SPTBN5: variants seen among roughly 807,000 people sequenced by gnomAD.
The protein encoded by SPTBN5 is spectrin beta, non-erythrocytic 5, also known as spectrin beta chain, non-erythrocytic 5.
A neutral mutation model predicts 477.6 loss-of-function variants in SPTBN5; 513 were observed. The observed-to-expected ratio is 1.07, with a 90% CI of 1.00 to 1.16. SPTBN5 has a LOEUF of 1.16. Among genes scored for constraint, SPTBN5 ranks in the 50% most tolerant of loss-of-function variants. SPTBN5 has a pLI of 0.00. For missense variants in SPTBN5, 5,062 were observed against 4,731.8 expected (o/e 1.07, Z -2.05); for synonymous variants, 2,169 against 2,011.7 (o/e 1.08, Z -2.09).
Position 41,865,799 on chromosome 15 carries a change from C to A in SPTBN5, c.6918+9G>T. 1 of 1,553,536 alleles carries A rather than the reference C, an allele frequency of 6.4e-7. No individual in the cohort carries two copies. The highest frequency in any genetic ancestry group is 1.2e-5 in the South Asian group (1 of 84,124). On this transcript the variant is annotated intron_variant, in intron 39 of 67. Transcript: ENST00000320955. Reference sequence around the variant, plus strand: ...CATGGCCAACCTCTACCCAGCAAGGCCCTCTTACCCCGGCCGAGTTTCCTC... The same window carrying A: ...CATGGCCAACCTCTACCCAGCAAGGACCTCTTACCCCGGCCGAGTTTCCTC...
intron 66 of SPTBN5, chr15:41,850,368 C>T (rs78481031): frequency 0.061 from 14,515 of 239,618 alleles, 517 homozygotes; most frequent in South Asian, 0.088. Flanking sequence ...ACGCTGACCA[C>T]GGAAGAAAGT....
chr15:41,875,647 G>A, intron 21 of SPTBN5, 25 bp from the exon 22 acceptor site: 1 of 1,551,492 alleles, frequency 6.4e-7, no homozygotes, highest in Non-Finnish European at 8.7e-7. Flanking sequence ...AAGGCCCAGG[G>A]AGTTTGGCTG....
chr15:41,870,551 C>T lies in SPTBN5; in HGVS notation c.5457G>A (p.Trp1819Ter), dbSNP rs1318054524. The T allele has an allele frequency of 3.7e-6, 6 of 1,607,824 alleles. No homozygotes were observed. The highest frequency in any genetic ancestry group is 1.3e-5 in the African/African-American group (1 of 74,910). The stretch of plus-strand genomic sequence containing the variant: ...CCTGGGTCAGCTCCCACAGCTCCGA[C>T]CAGGCGGTCCTGCCCACGGCGTGTG... ...RQRQQDLQTA[W>*]SELWELTQAR... is the part of the protein sequence containing the mutation. Residue 1819 changes from tryptophan to a stop codon, truncating the protein, a stop_gained, in exon 30 of 68, where the codon TGG becomes TGA. Transcript: ENST00000320955. LOFTEE classifies it high-confidence loss of function.
intron 27 of SPTBN5, 128 bp from the exon 28 acceptor site, chr15:41,872,045 G>C: frequency 8.0e-7 from 1 of 1,249,460 alleles, no homozygotes; most frequent in South Asian, 1.6e-5. Flanking sequence ...TGCGGCTCAC[G>C]ATTCAGGGAG....
At chr15:41,872,533 C>A in intron 26 of SPTBN5, 74 bp from the exon 27 acceptor site, 1 of 1,465,152 alleles carries the variant, frequency 6.8e-7, no homozygotes, top group Non-Finnish European at 9.2e-7. Flanking sequence ...CCCCACCCAT[C>A]CAGTCACCAA....
At chr15:41,891,063 T>C (rs1367200509) in intron 3 of SPTBN5, among the ~76,000 whole-genome samples, 1 of 152,232 alleles carries the variant, frequency 6.6e-6, no homozygotes, top group African/African-American at 2.4e-5. Context: ...AACTCTTCAC[T>C]CAGATGTTGC....
In SPTBN5 at chr15:41,861,770, G is replaced by A; in HGVS notation, c.7702C>T (p.His2568Tyr). ...AGGGCCTGCTGCAGCTGTAGCTGAT[G>A]CTCCTGCCAGGCCCCTTCCAGGCTG... ...LSSLEGAWQE[H>Y]QLQLQQALEL... The change falls in exon 45 of 68, where the codon CAT becomes TAT. Residue 2568 changes from histidine to tyrosine, a missense_variant. By Grantham distance (83) the His-to-Tyr change is moderately conservative. Transcript: ENST00000320955. 1 of 1,554,800 alleles carries A rather than the reference G, an allele frequency of 6.4e-7. No individual in the cohort carries two copies. The highest frequency in any genetic ancestry group is 8.7e-7 in the Non-Finnish European group (1 of 1,153,978).
rs781186187 is a variant in SPTBN5 at position 41,866,133 on chromosome 15, C to G, written c.6727G>C (p.Ala2243Pro). The G allele has an allele frequency of 3.8e-6, 6 of 1,559,494 alleles. No individual in the cohort carries two copies. The African/African-American group carries it at 8.2e-5, about 21-fold the overall frequency. The change falls in exon 38 of 68, where the codon GCA becomes CCA. Residue 2243 changes from alanine to proline, a missense_variant. By Grantham distance (27) the Ala-to-Pro change is conservative. Coordinates refer to ENST00000320955, the MANE Select transcript of SPTBN5 (RefSeq NM_016642.4). ...AGCTCCTGGCCCCTGAGGGCCATTG[C>G]CTGCCTCAGGTCCTCCCAGTGCTTC... The part of the protein sequence containing the change: ...LRKHWEDLRQ[A>P]MALRGQELED...
In SPTBN5 at chr15:41,856,936, C is replaced by T; in HGVS notation, c.8725G>A (p.Val2909Met). ...GCGGCCAGAGGCAGCTTCTCCTGCACCCAGGCCATTTCCTCGTCGGCGTCC... is the reference window on the plus strand; with the variant it reads ...GCGGCCAGAGGCAGCTTCTCCTGCATCCAGGCCATTTCCTCGTCGGCGTCC... ...FRDADEEMAW[V>M]QEKLPLAAAQ... The change falls in exon 52 of 68, where the codon GTG (valine) becomes ATG (methionine). Residue 2909 changes from valine (V) to methionine (M), a missense_variant. Coordinates refer to ENST00000320955, the MANE Select transcript of SPTBN5 (RefSeq NM_016642.4). The T allele has an allele frequency of 6.4e-7, 1 of 1,574,128 alleles. No individual in the cohort carries two copies. The highest frequency in any genetic ancestry group is 8.6e-7 in the Non-Finnish European group (1 of 1,160,464).
chr15:41,878,763 G>T (rs2066837413), intron 16 of SPTBN5, 134 bp from the exon 17 acceptor site: 1 of 1,043,854 alleles, frequency 9.6e-7, no homozygotes, highest in Middle Eastern at 3.1e-4. Context: ...CCCTTGACCT[G>T]GGGGCAGCAA....
chr15:41,880,599 G>A (rs1035367721), intron 13 of SPTBN5, among the ~76,000 whole-genome samples: 1 of 152,116 alleles, frequency 6.6e-6, no homozygotes, highest in Non-Finnish European at 1.5e-5. Context: ...CTGCTCTAAG[G>A]TGAAATCCAC....
rs1190343758 is a variant in SPTBN5 at position 41,858,753 on chromosome 15, G to A, written c.8080-5C>T. ...CTCCCTCAGCCACGCAGCCACCTGG[G>A]CACATGGGGAGGACAGGCCTGCTGT... On this transcript the variant is annotated splice_polypyrimidine_tract_variant and splice_region_variant and intron_variant, in intron 48 of 67. Transcript: ENST00000320955. 6.2e-7 allele frequency: 1 copy of A among 1,608,558 alleles called. No homozygotes were observed. Among genetic ancestry groups the A allele is most frequent in the Non-Finnish European group, 8.5e-7 (1 of 1,178,136 alleles).
intron 33 of SPTBN5, 23 bp from the exon 34 acceptor site, chr15:41,868,241 C>A (rs1437335692): frequency 3.2e-6 from 5 of 1,578,748 alleles, no homozygotes; most frequent in South Asian, 1.2e-5. Flanking sequence ...ACATGAGGAG[C>A]CTCAGCTGGG....
At position 41,868,749 on chromosome 15, in the gene SPTBN5, C is replaced by T; in HGVS notation, c.5854-148G>A. ...GGCCTCGGGTGAGGCACATGTGGCC[C>T]TTTGTCACTTGGTTTCTCCGTTCTC... is the stretch of plus-strand genomic sequence containing the variant. On this transcript the variant is annotated intron_variant, in intron 32 of 67. Coordinates refer to ENST00000320955, the MANE Select transcript of SPTBN5 (RefSeq NM_016642.4). 4 of 693,554 alleles carry T rather than the reference C, an allele frequency of 5.8e-6. No individual in the cohort carries two copies. In the South Asian group the frequency reaches 7.2e-5, roughly 12 times the overall value. 43.0% of individuals were successfully genotyped at this position (693,554 alleles called of 1,614,324 possible).
In SPTBN5 at chr15:41,858,940, G is replaced by C; in HGVS notation, c.8029C>G (p.Arg2677Gly). ...TGCAGCTGCCGGAGCTCCTCCAGGC[G>C]ATGGCGGCGGGTCCCGGCTTGCCTG... ...LFRQAGTRRH[R>G]LEELRQLQAF... The change falls in exon 48 of 68, where the codon CGC becomes GGC. Residue 2677 changes from arginine (R) to glycine (G), a missense_variant. Arg to Gly is a moderately radical substitution (Grantham distance 125). Coordinates refer to ENST00000320955, the MANE Select transcript of SPTBN5 (RefSeq NM_016642.4). The C allele has an allele frequency of 6.3e-7, 1 of 1,594,082 alleles. No homozygotes were observed. Among genetic ancestry groups the C allele is most frequent in the Non-Finnish European group, 8.6e-7 (1 of 1,168,622 alleles).
In SPTBN5 at chr15:41,882,477, G is replaced by C. The variant is rs1036088803; in HGVS notation, c.2047-8C>G. ...GACCTCAGCTTCCAGGGCCTAGCGG[G>C]GGGCAGAGCAGGGGGCTCAGTGAAG... On this transcript the variant is annotated splice_polypyrimidine_tract_variant and splice_region_variant and intron_variant, in intron 10 of 67. Transcript: ENST00000320955. 6 of 1,557,704 alleles carry C rather than the reference G, an allele frequency of 3.9e-6. No homozygotes were observed. Among genetic ancestry groups the C allele is most frequent in the East Asian group, 2.4e-5 (1 of 42,316 alleles).
At position 41,862,770 on chromosome 15, in the gene SPTBN5, C is replaced by T; in HGVS notation, c.7263+20G>A. On this transcript the variant is annotated intron_variant, in intron 42 of 67. Transcript: ENST00000320955. ...TACTCAGGAGATGCCCTGGGCCCAG[C>T]TCTACAGCCAGCTACGCACCTCCAC... The T allele has an allele frequency of 6.4e-7, 1 of 1,554,392 alleles. No homozygotes were observed. The highest frequency in any genetic ancestry group is 1.2e-5 in the South Asian group (1 of 84,492).
Position 41,883,077 on chromosome 15 carries a change from C to A in SPTBN5, c.1811G>T (p.Gly604Val). 1 of 1,594,600 alleles carries A rather than the reference C, an allele frequency of 6.3e-7. No homozygotes were observed. ...QQTAELDSSLGTSVEVLQAKA... is the reference protein window; with the variant it reads ...QQTAELDSSLVTSVEVLQAKA... ...GGCCTGCAGCACCTCCACACTGGTGCCCAGGGAGGAGTCCAGCTCTGCTGT... is the reference window on the plus strand; with the variant it reads ...GGCCTGCAGCACCTCCACACTGGTGACCAGGGAGGAGTCCAGCTCTGCTGT... Residue 604 changes from glycine to valine, a missense_variant, in exon 9 of 68, where the codon GGC becomes GTC. Transcript: ENST00000320955.
At chr15:41,856,793 T>A in intron 52 of SPTBN5, 60 bp downstream of exon 52, 2 of 1,483,652 alleles carry the variant, frequency 1.3e-6, no homozygotes, top group South Asian at 1.3e-5. Flanking sequence ...AGAGTGCCAT[T>A]TCCTTGGCTG....
Sources: gnomAD v4.1 joint callset for allele counts (sites outside exome capture counted in the v4.1 genomes callset) on GRCh38, gnomAD v4.1.1 for gene constraint, MANE v1.5 for transcripts, NCBI Gene and HGNC (gene_info 2026-07-23, HGNC 2026-07-21) for gene names.